Variants in SH3BP4 observed in about 807,000 individuals in gnomAD.
The protein encoded by SH3BP4 is SH3 domain-binding protein 4.
In SH3BP4, 33 loss-of-function variants were observed where a neutral mutation model predicts 65.5. That is an observed-to-expected ratio of 0.50 (90% CI 0.38 to 0.67). The LOEUF is 0.67. Among genes scored for constraint, SH3BP4 ranks in the 30% least tolerant of loss-of-function variants. The pLI is 0.00. For synonymous variants in SH3BP4, 552 were observed against 545.5 expected (o/e 1.01, Z -0.17); for missense variants, 1,134 against 1,261.4 (o/e 0.90, Z 1.53).
At chr2:235,003,667 G>T (rs887477185) in intron 2 of SH3BP4, among the ~76,000 whole-genome samples, 8 of 152,204 alleles carry the variant, frequency 5.3e-5, no homozygotes, top group African/African-American at 1.9e-4. Context: ...ACGGGAGTGA[G>T]AAGTTGCAGT....
chr2:234,995,939 C>T (rs949225640), intron 2 of SH3BP4: 7 of 152,282 alleles, frequency 4.6e-5, no homozygotes, highest in African/African-American at 1.4e-4. Flanking sequence ...CCAAGGAAGC[C>T]TCAGCTGGTG....
chr2:234,991,056 T>C lies in SH3BP4; in HGVS notation c.-206-4247T>C, dbSNP rs1246332187. 1.3e-5 allele frequency among the ~76,000 whole-genome samples: 2 copies of C among 152,174 alleles called. No individual in the cohort carries two copies. The highest frequency in any genetic ancestry group is 2.9e-5 in the Non-Finnish European group (2 of 68,030). On this transcript the variant is annotated intron_variant, in intron 1 of 5. Coordinates refer to ENST00000392011, the MANE Select transcript of SH3BP4 (RefSeq NM_014521.3). The surrounding 1 kb of genome is among the most constrained non-coding windows in gnomAD (Gnocchi z 4.2). ...TTTAGCTTGATTGCACCTTGAACAC[T>C]CTGTCTCCAAATAAGGTCACTTTCT...
In SH3BP4 at chr2:235,026,286, A is replaced by C. The variant is rs1694999313; in HGVS notation, c.-132-8585A>C. ...CAGTCTGGCCAGTGAAAACATCTGG[A>C]ATCATGACTCCAGCCGCGCTAGCCA... On this transcript the variant is annotated intron_variant, in intron 2 of 5. Coordinates refer to ENST00000392011, the MANE Select transcript of SH3BP4 (RefSeq NM_014521.3). The surrounding 1 kb of genome is among the most constrained non-coding windows in gnomAD (Gnocchi z 4.6). Among the ~76,000 whole-genome samples, 2 of 152,108 alleles carry C rather than the reference A, an allele frequency of 1.3e-5. No homozygotes were observed. The highest frequency in any genetic ancestry group is 4.8e-5 in the African/African-American group (2 of 41,420).
At chr2:234,998,963 A>G (rs549207942) in intron 2 of SH3BP4, among the ~76,000 whole-genome samples, 81 of 152,286 alleles carry the variant, frequency 5.3e-4, no homozygotes, top group African/African-American at 1.9e-3. Context: ...CAGATAATCC[A>G]ATAGAGGAGA....
At chr2:235,012,088 C>T (rs899246237) in intron 2 of SH3BP4, among the ~76,000 whole-genome samples, 1 of 152,314 alleles carries the variant, frequency 6.6e-6, no homozygotes, top group Admixed American at 6.5e-5. Context: ...CAGGGAGCAG[C>T]TTATTGGTTT....
chr2:235,025,782 TC>T (rs1238784860), intron 2 of SH3BP4, among the ~76,000 whole-genome samples: 1 of 152,200 alleles, frequency 6.6e-6, no homozygotes, highest in Non-Finnish European at 1.5e-5. Context: ...GAGGTGGACT[TC>T]CATTTGCAAA....
chr2:235,003,226 G>A (rs1468606547), intron 2 of SH3BP4, among the ~76,000 whole-genome samples: 1 of 152,244 alleles, frequency 6.6e-6, no homozygotes, highest in African/African-American at 2.4e-5. Flanking sequence ...CTGTGGCAGG[G>A]ACCCAGGAAG....
intron 2 of SH3BP4, among the ~76,000 whole-genome samples, chr2:235,006,286 G>A (rs550621069): frequency 1.3e-5 from 2 of 152,212 alleles, no homozygotes; most frequent in Admixed American, 6.5e-5. Context: ...TGGGCTGAGC[G>A]TGAGTGTGTT....
chr2:234,991,445 A>G lies in SH3BP4; in HGVS notation c.-206-3858A>G, dbSNP rs1693744225. The stretch of plus-strand genomic sequence containing the variant: ...GTTTTGAGCTGCTGAAGACAACAGA[A>G]TCTTGTCTTCTTGGCATTGTGGTTT... On this transcript the variant is annotated intron_variant, in intron 1 of 5. Transcript: ENST00000392011. This position sits in a 1 kb window ranked among gnomAD's most constrained non-coding sequence, Gnocchi z 4.2. Among the ~76,000 whole-genome samples, 1 of 152,196 alleles carries G rather than the reference A, an allele frequency of 6.6e-6. No individual in the cohort carries two copies. Among genetic ancestry groups the G allele is most frequent in the Non-Finnish European group, 1.5e-5 (1 of 68,048 alleles).
At position 235,042,625 on chromosome 2, in the gene SH3BP4, C is replaced by T; in HGVS notation, c.1856C>T (p.Pro619Leu). 1 of 1,614,152 alleles carries T rather than the reference C, an allele frequency of 6.2e-7. No homozygotes were observed. The highest frequency in any genetic ancestry group is 8.5e-7 in the Non-Finnish European group (1 of 1,180,030). ...CCACCCCCTAAAAGTGCCATCAAGC[C>T]TTCCGGGCAAAGGAGGTTTCTCAAG... Reference protein sequence around the residue: ...PQPPPKSAIKPSGQRRFLKKN... With the variant: ...PQPPPKSAIKLSGQRRFLKKN... Residue 619 changes from proline (P) to leucine (L), a missense_variant, in exon 4 of 6, where the codon CCT (proline) becomes CTT (leucine). Pro to Leu is a moderately conservative substitution (Grantham distance 98, BLOSUM62 -3). Coordinates refer to ENST00000392011, the MANE Select transcript of SH3BP4 (RefSeq NM_014521.3). This position sits in a 1 kb window ranked among gnomAD's most constrained non-coding sequence, Gnocchi z 7.3.
intron 2 of SH3BP4, among the ~76,000 whole-genome samples, chr2:235,005,880 C>T: frequency 6.6e-6 from 1 of 151,866 alleles, no homozygotes; most frequent in East Asian, 1.9e-4. Context: ...GGCAGGCTGG[C>T]TTGGTTGGGT....
chr2:235,009,586 T>C lies in SH3BP4; in HGVS notation c.-133+14210T>C, dbSNP rs116073362. Among the ~76,000 whole-genome samples the C allele has an allele frequency of 6.7e-3, 1,027 of 152,204 alleles. 8 individuals are homozygous for C. The highest frequency in any genetic ancestry group is 0.024 in the African/African-American group (989 of 41,530). Reference sequence around the variant, plus strand: ...CTTGGCCTCTTTCTGCATCTGTGTCTGCTCTTTGCTAGCCGGCCTGCCTTT... The same window carrying C: ...CTTGGCCTCTTTCTGCATCTGTGTCCGCTCTTTGCTAGCCGGCCTGCCTTT... On this transcript the variant is annotated intron_variant, in intron 2 of 5. Transcript: ENST00000392011.
chr2:234,954,282 C>G (rs1231892484), intron 1 of SH3BP4, among the ~76,000 whole-genome samples: 1 of 152,138 alleles, frequency 6.6e-6, no homozygotes, highest in Non-Finnish European at 1.5e-5. Flanking sequence ...AGAGGTACTT[C>G]ACAGCATGCC....
At chr2:235,040,246 A>G (rs952961711) in intron 3 of SH3BP4, among the ~76,000 whole-genome samples, 1 of 152,046 alleles carries the variant, frequency 6.6e-6, no homozygotes, top group Non-Finnish European at 1.5e-5. Flanking sequence ...TAAATAAATA[A>G]ATAAATAAGT....
Position 235,053,791 on chromosome 2 carries a change from C to T in SH3BP4, c.2867C>T (p.Ala956Val), listed in dbSNP as rs751639144. ...DVLRAAAFSP[A>V]DQDDFVI The stretch of plus-strand genomic sequence containing the variant: ...CTGAGAGCAGCCGCCTTCAGCCCTG[C>T]GGACCAGGACGACTTCGTGATTTGA... The change falls in exon 6 of 6, where the codon GCG becomes GTG. Residue 956 changes from alanine to valine, a missense_variant. By Grantham distance (64) the Ala-to-Val change is moderately conservative. Coordinates refer to ENST00000392011, the MANE Select transcript of SH3BP4 (RefSeq NM_014521.3). 46 of 1,614,028 alleles carry T rather than the reference C, an allele frequency of 2.9e-5. No homozygotes were observed. Among genetic ancestry groups the T allele is most frequent in the African/African-American group, 4.0e-5 (3 of 74,946 alleles).
At chr2:234,953,416 G>C (rs1306180984) in intron 1 of SH3BP4, among the ~76,000 whole-genome samples, 1 of 152,176 alleles carries the variant, frequency 6.6e-6, no homozygotes, top group Non-Finnish European at 1.5e-5. Flanking sequence ...GAGCTCCAAA[G>C]TTTGGGTTTT....
intron 1 of SH3BP4, among the ~76,000 whole-genome samples, chr2:234,960,148 G>A (rs1692673989): frequency 6.6e-6 from 1 of 152,204 alleles, no homozygotes; most frequent in South Asian, 2.1e-4. Flanking sequence ...AATGATTGGA[G>A]CTGATGTAAT....
Position 235,038,307 on chromosome 2 carries a change from A to G in SH3BP4, c.119-2581A>G, listed in dbSNP as rs1192894411. The stretch of plus-strand genomic sequence containing the variant: ...TATATATAATATATATATTATATAT[A>G]TATATTATATATTATATATATATTA... On this transcript the variant is annotated intron_variant, in intron 3 of 5. Coordinates refer to ENST00000392011, the MANE Select transcript of SH3BP4 (RefSeq NM_014521.3). Among the ~76,000 whole-genome samples, 79 of 14,216 alleles carry G rather than the reference A, an allele frequency of 5.6e-3. 2 individuals carry two copies. The highest frequency in any genetic ancestry group is 0.03 in the African/African-American group (77 of 2,606). The allele number at this position is 14,216 out of a possible 152,430, so 9.3% of individuals were successfully genotyped here.
chr2:234,956,789 T>G (rs1263532912), intron 1 of SH3BP4, among the ~76,000 whole-genome samples: 1 of 151,364 alleles, frequency 6.6e-6, no homozygotes, highest in Non-Finnish European at 1.5e-5. Flanking sequence ...GAACTCCTGG[T>G]TTCAAGTGAT....
Sources: gnomAD v4.1 joint callset for allele counts (sites outside exome capture counted in the v4.1 genomes callset) on GRCh38, gnomAD v4.1.1 for gene constraint, Gnocchi (gnomAD v3.1) non-coding constraint, MANE v1.5 for transcripts, NCBI Gene and HGNC (gene_info 2026-07-23, HGNC 2026-07-21) for gene names.